Variants in KCNH5 observed in about 807,000 individuals in gnomAD.
The protein encoded by KCNH5 is voltage-gated delayed rectifier potassium channel KCNH5.
In KCNH5, 46 loss-of-function variants were observed where a neutral mutation model predicts 96.1. The ratio of observed to expected loss-of-function variants is 0.48; its 90% confidence interval spans 0.38 to 0.61. The LOEUF (loss-of-function observed/expected upper bound fraction) is 0.61. KCNH5 is among the 20% of genes least tolerant of loss of function. KCNH5 has a pLI of 0.00. For missense variants in KCNH5, 907 were observed against 1,225.8 expected, an observed-to-expected ratio of 0.74 and a Z score of 3.88; for synonymous variants, 439 against 449.8, an observed-to-expected ratio of 0.98 and a Z score of 0.30.
chr14:62,779,568 G>T (rs1047189438), intron 10 of KCNH5, among the ~76,000 whole-genome samples, 160 bp downstream of exon 10: 1 of 151,942 alleles, frequency 6.6e-6, no homozygotes, highest in Non-Finnish European at 1.5e-5. Flanking sequence ...TCCTTAAAAA[G>T]TAAACAAAAT....
At chr14:63,002,163 C>A (rs190640888) in intron 3 of KCNH5, among the ~76,000 whole-genome samples, 1 of 152,006 alleles carries the variant, frequency 6.6e-6, no homozygotes, top group South Asian at 2.1e-4. Context: ...GCCACTGCTG[C>A]CTACCTCCCT....
chr14:62,903,825 G>T (rs1207639248), intron 7 of KCNH5, among the ~76,000 whole-genome samples: 1 of 152,052 alleles, frequency 6.6e-6, no homozygotes, highest in Non-Finnish European at 1.5e-5. Context: ...AAGTTACACA[G>T]AATGTATGAT....
intron 10 of KCNH5, among the ~76,000 whole-genome samples, chr14:62,723,212 A>T (rs770562668): frequency 7.9e-5 from 12 of 152,188 alleles, no homozygotes; most frequent in Non-Finnish European, 1.2e-4. Context: ...GTATTTAAAT[A>T]GTTGTCAATT....
At chr14:62,969,584 TG>T (rs989337155) in intron 6 of KCNH5, among the ~76,000 whole-genome samples, 1 of 151,470 alleles carries the variant, frequency 6.6e-6, no homozygotes, top group Non-Finnish European at 1.5e-5. Context: ...TGGGGCCTGA[TG>T]GGGGGCTGCC....
In KCNH5 at chr14:62,845,470, T is replaced by TACATAGAA. The variant is rs1887672462; in HGVS notation, c.1569+4175_1569+4182dup. Among the ~76,000 whole-genome samples the TACATAGAA allele has an allele frequency of 2.0e-5, 3 of 152,328 alleles. No individual in the cohort carries two copies. In the South Asian group the frequency reaches 6.2e-4, roughly 32 times the overall value. Reference sequence around the variant, plus strand: ...ATAGATAGGTAGATACACACACACATACATAGAAAGTTTTGTTACAAAAGC... The same window carrying TACATAGAA: ...ATAGATAGGTAGATACACACACACATACATAGAAACATAGAAAGTTTTGTTACAAAAGC... On this transcript the variant is annotated intron_variant, in intron 8 of 10. Transcript: ENST00000322893.
At chr14:62,949,782 T>C in intron 7 of KCNH5, 1 of 206,532 alleles carries the variant, frequency 4.8e-6, no homozygotes, top group Non-Finnish European at 9.8e-6. Context: ...ACAATATATT[T>C]CACATCAGAT....
intron 7 of KCNH5, among the ~76,000 whole-genome samples, chr14:62,865,316 A>C (rs192871496): frequency 5.3e-4 from 78 of 146,244 alleles, no homozygotes; most frequent in African/African-American, 1.8e-3. Context: ...TCTGGTGAAT[A>C]AGGGTAAAAT....
chr14:62,708,109 C>T lies in KCNH5; in HGVS notation c.2366G>A (p.Gly789Asp), dbSNP rs767520778. ...RDAMELKPNGGADQKCLKVNS... is the reference protein window; with the variant it reads ...RDAMELKPNGDADQKCLKVNS... The stretch of plus-strand genomic sequence containing the variant: ...GACTTTGAGACATTTTTGGTCAGCA[C>T]CGCCGTTGGGCTTGAGTTCCATGGC... The change falls in exon 11 of 11, where the codon GGT (glycine) becomes GAT (aspartate). Residue 789 changes from glycine (G) to aspartate (D), a missense_variant. Physicochemically the swap from Gly to Asp is moderately conservative, Grantham distance 94. Transcript: ENST00000322893. 7 of 1,614,234 alleles carry T rather than the reference C, an allele frequency of 4.3e-6. No individual in the cohort carries two copies. The South Asian group carries it at 6.6e-5, about 15-fold the overall frequency.
chr14:62,783,441 C>T (rs1886259692), intron 9 of KCNH5, among the ~76,000 whole-genome samples: 3 of 152,174 alleles, frequency 2.0e-5, no homozygotes, highest in Middle Eastern at 3.2e-3. Context: ...TCTTTCCATA[C>T]TGGATTTTTC....
chr14:62,939,892 A>C (rs1284916445), intron 7 of KCNH5, among the ~76,000 whole-genome samples: 1 of 152,256 alleles, frequency 6.6e-6, no homozygotes, highest in East Asian at 1.9e-4. Context: ...GTGAGCTGAG[A>C]TCACACCATT....
At chr14:62,789,742 T>C (rs1466811787) in intron 9 of KCNH5, among the ~76,000 whole-genome samples, 1 of 152,008 alleles carries the variant, frequency 6.6e-6, no homozygotes, top group African/African-American at 2.4e-5. Flanking sequence ...GAGAAATTTC[T>C]GCTCAGGTTT....
Position 62,751,805 on chromosome 14 carries a change from T to C in KCNH5, c.2019+27923A>G, listed in dbSNP as rs1044368488. Among the ~76,000 whole-genome samples the C allele has an allele frequency of 4.6e-5, 7 of 152,230 alleles. No individual in the cohort carries two copies. The South Asian group carries it at 6.2e-4, about 13-fold the overall frequency. On this transcript the variant is annotated intron_variant, in intron 10 of 10. Transcript: ENST00000322893. ...TGTTATTAAAAACTAAAATGCCATA[T>C]ACAAGAGCTGTTCCATAGAAGTATG...
intron 10 of KCNH5, among the ~76,000 whole-genome samples, chr14:62,761,799 T>A (rs994556684): frequency 1.3e-5 from 2 of 151,970 alleles, no homozygotes; most frequent in African/African-American, 4.8e-5. Context: ...AAGAAAAGCA[T>A]CTCTCACCAA....
intron 5 of KCNH5, among the ~76,000 whole-genome samples, chr14:62,986,776 T>C (rs1890716765): frequency 6.6e-6 from 1 of 152,156 alleles, no homozygotes; most frequent in South Asian, 2.1e-4. Context: ...ATACCCTGAA[T>C]ATGTGTTTGC....
chr14:62,856,640 T>A (rs1301866133), intron 7 of KCNH5, among the ~76,000 whole-genome samples: 1 of 152,166 alleles, frequency 6.6e-6, no homozygotes, highest in Non-Finnish European at 1.5e-5. Flanking sequence ...GAGAAGCTCA[T>A]CTTCAGAAAC....
chr14:62,953,330 T>C (rs576002657), intron 6 of KCNH5, among the ~76,000 whole-genome samples: 3 of 152,218 alleles, frequency 2.0e-5, no homozygotes, highest in Admixed American at 6.5e-5. Flanking sequence ...CTATTTCATG[T>C]TAGGATTCTC....
intron 4 of KCNH5, among the ~76,000 whole-genome samples, chr14:62,994,479 A>G (rs558960459): frequency 6.6e-6 from 1 of 152,196 alleles, no homozygotes; most frequent in South Asian, 2.1e-4. Context: ...TCTTTGTATT[A>G]TTATAATGTA....
chr14:62,771,308 C>T (rs1459860705), intron 10 of KCNH5, among the ~76,000 whole-genome samples: 1 of 152,104 alleles, frequency 6.6e-6, no homozygotes, highest in Non-Finnish European at 1.5e-5. Flanking sequence ...GTGCATTGAA[C>T]TAAGTGGTAT....
At chr14:62,832,549 GAAT>G (rs1408881317) in intron 8 of KCNH5, among the ~76,000 whole-genome samples, 1 of 152,084 alleles carries the variant, frequency 6.6e-6, no homozygotes, top group Non-Finnish European at 1.5e-5. Context: ...TGGCTACGGT[GAAT>G]AATACTAAAA....
Sources: allele counts gnomAD v4.1 joint callset (sites outside exome capture counted in the v4.1 genomes callset), GRCh38; gene constraint gnomAD v4.1.1; transcripts MANE v1.5; gene names NCBI Gene and HGNC (gene_info 2026-07-23, HGNC 2026-07-21).